Variants in LIPA observed in about 807,000 individuals in gnomAD.
LIPA encodes lysosomal acid lipase/cholesteryl ester hydrolase.
LIPA carries 26 observed loss-of-function variants against 40.6 expected under a neutral mutation model. The observed-to-expected ratio is 0.64, with a 90% CI of 0.47 to 0.89. The LOEUF (loss-of-function observed/expected upper bound fraction) is 0.89, where lower values mean the gene tolerates loss of function less well. Among genes scored for constraint, LIPA ranks in the 40% least tolerant of loss-of-function variants. The probability of loss-of-function intolerance (pLI) is 0.00; values close to 1 mark genes in which losing one functional copy is unlikely to be tolerated. For synonymous variants in LIPA, 188 were observed against 168.4 expected (o/e 1.12, Z -0.90); for missense variants, 455 against 479.6 (o/e 0.95, Z 0.48).
At chr10:89,403,659 C>T (rs144483233) in intron 2 of LIPA, 144 of 1,610,374 alleles carry the variant, frequency 8.9e-5, no homozygotes, top group Middle Eastern at 1.6e-4. Flanking sequence ...GTACTATGAG[C>T]GGGCCCTGAG....
At chr10:89,259,038 T>C (rs1843194517) in intron 1 of LIPA, among the ~76,000 whole-genome samples, 3 of 152,304 alleles carry the variant, frequency 2.0e-5, no homozygotes, top group East Asian at 3.9e-4. Context: ...CTAGGGATGA[T>C]GGTGGGTTGA....
intron 3 of LIPA, among the ~76,000 whole-genome samples, chr10:89,235,425 G>A (rs956090079): frequency 6.6e-6 from 1 of 152,262 alleles, no homozygotes; most frequent in Non-Finnish European, 1.5e-5. Flanking sequence ...GATGGCAAGT[G>A]ATTTCATTAT....
intron 1 of LIPA, among the ~76,000 whole-genome samples, chr10:89,273,777 T>A (rs549001132): frequency 6.6e-6 from 1 of 152,230 alleles, no homozygotes; most frequent in Non-Finnish European, 1.5e-5. Context: ...AGGTATTTTA[T>A]TGGGCCTCAT....
intron 1 of LIPA, among the ~76,000 whole-genome samples, chr10:89,257,352 GGTA>G (rs1299645573): frequency 1.3e-5 from 2 of 152,236 alleles, no homozygotes; most frequent in East Asian, 1.9e-4. Context: ...GAAAACAGGA[GGTA>G]GTAGTGGTGT....
chr10:89,372,448 C>T (rs1396814894), intron 2 of LIPA, among the ~76,000 whole-genome samples: 1 of 152,182 alleles, frequency 6.6e-6, no homozygotes, highest in Non-Finnish European at 1.5e-5. Context: ...GATAAACATC[C>T]AATTCTCTGT....
intron 1 of LIPA, chr10:89,339,832 A>G (rs1843827871): frequency 6.2e-7 from 1 of 1,614,114 alleles, no homozygotes; most frequent in South Asian, 1.1e-5. Flanking sequence ...CAAAAAATCA[A>G]CTGACAAGGA....
At chr10:89,293,625 C>T (rs1391480791) in intron 1 of LIPA, 1 of 151,508 alleles carries the variant, frequency 6.6e-6, no homozygotes, top group Non-Finnish European at 1.5e-5. Context: ...CTCTTCCTGA[C>T]CTGGAGATGG....
chr10:89,300,674 T>C (rs1843439945), intron 1 of LIPA, among the ~76,000 whole-genome samples: 1 of 152,142 alleles, frequency 6.6e-6, no homozygotes, highest in Non-Finnish European at 1.5e-5. Context: ...GAGATAAAGT[T>C]CTGGAAAAAG....
intron 1 of LIPA, among the ~76,000 whole-genome samples, chr10:89,333,052 T>C (rs1395803030): frequency 6.6e-6 from 1 of 152,238 alleles, no homozygotes; most frequent in Non-Finnish European, 1.5e-5. Context: ...TCTCAGCAAA[T>C]GTGTCAATAA....
At chr10:89,369,967 C>G (rs973412531) in intron 2 of LIPA, among the ~76,000 whole-genome samples, 7 of 152,262 alleles carry the variant, frequency 4.6e-5, no homozygotes, top group Admixed American at 1.3e-4. Flanking sequence ...GCTCAAGAAA[C>G]TGCTATGTGC....
At chr10:89,338,665 G>T (rs764070416) in intron 1 of LIPA, 5 of 1,610,390 alleles carry the variant, frequency 3.1e-6, no homozygotes, top group East Asian at 4.5e-5. Flanking sequence ...CCACAGTGAG[G>T]TCACCAAGAA....
chr10:89,255,360 A>C (rs1843175742), upstream of LIPA, among the ~76,000 whole-genome samples: 1 of 152,232 alleles, frequency 6.6e-6, no homozygotes, highest in African/African-American at 2.4e-5. Flanking sequence ...TAAACCCATC[A>C]GATCTCATGA....
intron 1 of LIPA, among the ~76,000 whole-genome samples, chr10:89,265,692 T>C (rs930683648): frequency 6.6e-6 from 1 of 152,226 alleles, no homozygotes; most frequent in African/African-American, 2.4e-5. Context: ...ATAAAAGATG[T>C]TGTCCATGGT....
chr10:89,240,240 G>C (rs562290869), intron 3 of LIPA, among the ~76,000 whole-genome samples: 1 of 152,146 alleles, frequency 6.6e-6, no homozygotes, highest in African/African-American at 2.4e-5. Flanking sequence ...CTGTCATGGA[G>C]GGCTTAATCC....
chr10:89,343,609 A>G (rs1338162192), upstream of LIPA, among the ~76,000 whole-genome samples: 1 of 152,202 alleles, frequency 6.6e-6, no homozygotes, highest in Non-Finnish European at 1.5e-5. Flanking sequence ...CAAAGTACTC[A>G]GCACACCGAG....
At position 89,245,747 on chromosome 10, in the gene LIPA, A is replaced by C. The variant is rs749625288; in HGVS notation, c.158T>G (p.Val53Gly). Residue 53 changes from valine to glycine, a missense_variant, in exon 3 of 10, where the codon GTT becomes GGT. Val to Gly is a moderately radical substitution (Grantham distance 109). Coordinates refer to ENST00000336233, the MANE Select transcript of LIPA (RefSeq NM_000235.4). The part of the protein sequence containing the change: ...YWGFPSEEYL[V>G]ETEDGYILCL... ...CAGAATATATCCATCTTCTGTCTCA[A>C]CTAGGTATTCCTCACTAGGGAATCC... 1.9e-6 allele frequency: 3 copies of C among 1,604,618 alleles called. No homozygotes were observed. Among genetic ancestry groups the C allele is most frequent in the South Asian group, 1.1e-5 (1 of 90,860 alleles).
At chr10:89,241,535 G>A (rs530032340) in intron 3 of LIPA, among the ~76,000 whole-genome samples, 1 of 152,244 alleles carries the variant, frequency 6.6e-6, no homozygotes, top group East Asian at 1.9e-4. Context: ...AAATCAACCA[G>A]AATTCTAAAA....
intron 1 of LIPA, among the ~76,000 whole-genome samples, chr10:89,324,962 C>T (rs969212704): frequency 2.0e-5 from 3 of 151,910 alleles, no homozygotes; most frequent in Admixed American, 6.6e-5. Flanking sequence ...CAAATAGTGC[C>T]GCAATAAACA....
Position 89,222,528 on chromosome 10 carries a change from T to G in LIPA, c.877A>C (p.Met293Leu), listed in dbSNP as rs764343762. The change falls in exon 8 of 10, where the codon ATG becomes CTG. Residue 293 changes from methionine (M) to leucine (L), a missense_variant. Physicochemically the swap from Met to Leu is conservative, Grantham distance 15. Coordinates refer to ENST00000336233, the MANE Select transcript of LIPA (RefSeq NM_000235.4). Reference protein sequence around the residue: ...HSPAGTSVQNMLHWSQAVKFQ... With the variant: ...HSPAGTSVQNLLHWSQAVKFQ... ...ATGCCTACCTGGCTCCAGTGTAACA[T>G]GTTTTGCACAGAAGTTCCAGCAGGA... is the stretch of plus-strand genomic sequence containing the variant. 4 of 1,610,074 alleles carry G rather than the reference T, an allele frequency of 2.5e-6. No homozygotes were observed. The South Asian group carries it at 3.3e-5, about 13-fold the overall frequency.
Sources: gnomAD v4.1 joint callset for allele counts (sites outside exome capture counted in the v4.1 genomes callset) on GRCh38, gnomAD v4.1.1 for gene constraint, MANE v1.5 for transcripts, NCBI Gene and HGNC (gene_info 2026-07-23, HGNC 2026-07-21) for gene names.